Variants in HPSE2 observed in about 807,000 individuals in gnomAD.
HPSE2 encodes inactive heparanase-2.
In HPSE2, 38 loss-of-function variants were observed where a neutral mutation model predicts 60.5. The ratio of observed to expected loss-of-function variants is 0.63; its 90% confidence interval spans 0.48 to 0.82. The LOEUF is 0.82. Among genes scored for constraint, HPSE2 ranks in the 40% least tolerant of loss-of-function variants. The pLI, the probability that HPSE2 is intolerant of heterozygous loss-of-function variation, is 0.00. For synonymous variants in HPSE2, 295 were observed against 293.2 expected (o/e 1.01, Z -0.06); for missense variants, 713 against 740.4 (o/e 0.96, Z 0.43).
At chr10:98,911,467 T>C (rs1406470296) in intron 3 of HPSE2, among the ~76,000 whole-genome samples, 1 of 152,090 alleles carries the variant, frequency 6.6e-6, no homozygotes, top group Non-Finnish European at 1.5e-5. Flanking sequence ...GGAAAATGAA[T>C]AGGAGCTCAC....
rs571230055 is a variant in HPSE2 at position 98,971,577 on chromosome 10, C to A, written c.610+172661G>T. Among the ~76,000 whole-genome samples, 3 of 152,136 alleles carry A rather than the reference C, an allele frequency of 2.0e-5. No individual in the cohort carries two copies. The South Asian group carries it at 6.2e-4, about 32-fold the overall frequency. Reference sequence around the variant, plus strand: ...TGTTATTGTACTATATATTGCTGCCCGTTTATTTCACAATGTTATTCACTC... The same window carrying A: ...TGTTATTGTACTATATATTGCTGCCAGTTTATTTCACAATGTTATTCACTC... On this transcript the variant is annotated intron_variant, in intron 3 of 11. Coordinates refer to ENST00000370552, the MANE Select transcript of HPSE2 (RefSeq NM_021828.5).
At chr10:98,850,155 G>A (rs1952134543) in intron 3 of HPSE2, among the ~76,000 whole-genome samples, 1 of 152,102 alleles carries the variant, frequency 6.6e-6, no homozygotes, top group Non-Finnish European at 1.5e-5. Flanking sequence ...TTGCTAAAAA[G>A]CGCTAGTCTT....
chr10:99,163,006 G>A (rs1178280313), intron 2 of HPSE2, among the ~76,000 whole-genome samples: 1 of 152,102 alleles, frequency 6.6e-6, no homozygotes, highest in Admixed American at 6.6e-5. Context: ...TCAGGAGATT[G>A]AGATCATCCT....
intron 10 of HPSE2, among the ~76,000 whole-genome samples, chr10:98,486,878 C>T (rs779312903): frequency 2.5e-4 from 38 of 152,292 alleles, no homozygotes; most frequent in Non-Finnish European, 5.0e-4. Flanking sequence ...ATTTAATCCA[C>T]ATGTTTCTGA....
intron 2 of HPSE2, among the ~76,000 whole-genome samples, chr10:99,147,816 T>A (rs1182524316): frequency 6.6e-6 from 1 of 152,134 alleles, no homozygotes; most frequent in Non-Finnish European, 1.5e-5. Context: ...TGGTAATATA[T>A]CTGGAGGAAG....
chr10:98,751,035 C>G (rs1367235800), intron 3 of HPSE2, among the ~76,000 whole-genome samples: 1 of 152,084 alleles, frequency 6.6e-6, no homozygotes, highest in Non-Finnish European at 1.5e-5. Context: ...GCTCTTCCCC[C>G]TCCTCCCCTT....
At chr10:99,155,708 G>A (rs1846518660) in intron 2 of HPSE2, among the ~76,000 whole-genome samples, 2 of 150,130 alleles carry the variant, frequency 1.3e-5, no homozygotes, top group Admixed American at 6.7e-5. Flanking sequence ...AAACGCAAGA[G>A]CAAACACATT....
intron 6 of HPSE2, among the ~76,000 whole-genome samples, chr10:98,651,178 C>A (rs1027434196): frequency 1.3e-5 from 2 of 152,176 alleles, no homozygotes; most frequent in Non-Finnish European, 2.9e-5. Flanking sequence ...ACAATTGTCA[C>A]TTCTCTGTTT....
chr10:99,261,890 C>A, the HPSE2 span, among the ~76,000 whole-genome samples: 1 of 152,214 alleles, frequency 6.6e-6, no homozygotes, highest in Non-Finnish European at 1.5e-5. Context: ...GGCCACTGTG[C>A]CAAAAATGCA....
chr10:98,689,044 G>T (rs1276264978), intron 6 of HPSE2, among the ~76,000 whole-genome samples: 1 of 151,922 alleles, frequency 6.6e-6, no homozygotes, highest in Non-Finnish European at 1.5e-5. Context: ...GTTCTCAGCA[G>T]TTTGAGTATA....
chr10:98,605,678 A>C (rs1945560347), intron 9 of HPSE2, among the ~76,000 whole-genome samples: 1 of 152,200 alleles, frequency 6.6e-6, no homozygotes, highest in Non-Finnish European at 1.5e-5. Flanking sequence ...AAGGGCAATA[A>C]ACAGGAAGCA....
At chr10:98,849,858 C>T (rs970391267) in intron 3 of HPSE2, among the ~76,000 whole-genome samples, 14 of 152,084 alleles carry the variant, frequency 9.2e-5, no homozygotes, top group African/African-American at 3.1e-4. Context: ...GATTCTCCTG[C>T]CTCAGCCTCC....
chr10:98,888,123 G>C (rs1034274069), intron 3 of HPSE2, among the ~76,000 whole-genome samples: 2 of 128,154 alleles, frequency 1.6e-5, no homozygotes, highest in African/African-American at 6.1e-5. Context: ...AAAAGGGATA[G>C]GTTTTAAAAC....
At chr10:98,868,236 C>T (rs1051864939) in intron 3 of HPSE2, among the ~76,000 whole-genome samples, 18 of 151,436 alleles carry the variant, frequency 1.2e-4, no homozygotes, top group Non-Finnish European at 2.4e-4. Context: ...TGAAATAAGC[C>T]AGACACAGAA....
At chr10:98,661,181 T>A (rs1947214484) in intron 6 of HPSE2, among the ~76,000 whole-genome samples, 2 of 152,158 alleles carry the variant, frequency 1.3e-5, no homozygotes, top group African/African-American at 4.8e-5. Context: ...TAATGGGAAA[T>A]AATTATCTCC....
the HPSE2 span, among the ~76,000 whole-genome samples, chr10:99,244,326 A>T: frequency 6.6e-5 from 10 of 150,630 alleles, no homozygotes; most frequent in South Asian, 1.1e-3. Context: ...CTACAACGGT[A>T]TTTTCTTTTG....
At chr10:99,033,029 T>C (rs1005027168) in intron 3 of HPSE2, among the ~76,000 whole-genome samples, 1 of 152,216 alleles carries the variant, frequency 6.6e-6, no homozygotes, top group Non-Finnish European at 1.5e-5. Flanking sequence ...TAAGTTAACA[T>C]ATTCACAGAT....
chr10:98,872,077 C>G (rs929157592), intron 3 of HPSE2, among the ~76,000 whole-genome samples: 4 of 151,976 alleles, frequency 2.6e-5, no homozygotes, highest in African/African-American at 9.7e-5. Flanking sequence ...CCACTGTATC[C>G]ACCATTTAGG....
rs143692731 is a variant in HPSE2 at position 98,632,541 on chromosome 10, TATA to T, written c.1098+9303_1098+9305del. Among the ~76,000 whole-genome samples the T allele has an allele frequency of 1.6e-3, 250 of 152,278 alleles. 1 individual carries two copies. The highest frequency in any genetic ancestry group is 5.4e-3 in the African/African-American group (226 of 41,550). ...TATCTTTCAGGTTAGACTCCCCAAC[TATA>T]ATATTTTTCATGTCTTGTATATGAA... On this transcript the variant is annotated intron_variant, in intron 7 of 11. Transcript: ENST00000370552.
Sources: allele counts gnomAD v4.1 joint callset (sites outside exome capture counted in the v4.1 genomes callset), GRCh38; gene constraint gnomAD v4.1.1; transcripts MANE v1.5; gene names NCBI Gene and HGNC (gene_info 2026-07-23, HGNC 2026-07-21).